GRM7: variants seen among roughly 807,000 people sequenced by gnomAD.
The protein encoded by GRM7 is glutamate metabotropic receptor 7, also known as metabotropic glutamate receptor 7.
A neutral mutation model predicts 84.5 loss-of-function variants in GRM7; 35 were observed. The ratio of observed to expected loss-of-function variants is 0.41; its 90% CI spans 0.32 to 0.55. GRM7 has a LOEUF of 0.55. Among genes scored for constraint, GRM7 ranks in the 20% least tolerant of loss-of-function variants. The probability of loss-of-function intolerance (pLI) is 0.19; values close to 1 mark genes in which losing one functional copy is unlikely to be tolerated. For missense variants in GRM7, 1,003 were observed against 1,194.6 expected (o/e 0.84, Z 2.36); for synonymous variants, 487 against 455.1 (o/e 1.07, Z -0.89).
At chr3:7,382,745 A>G (rs534529784) in intron 4 of GRM7, among the ~76,000 whole-genome samples, 87 of 152,246 alleles carry the variant, frequency 5.7e-4, no homozygotes, top group Non-Finnish European at 5.0e-4. Flanking sequence ...TGGGTAACCT[A>G]AAACAACATT....
At chr3:7,727,844 T>C (rs1702183386) in intron 9 of GRM7, among the ~76,000 whole-genome samples, 1 of 152,184 alleles carries the variant, frequency 6.6e-6, no homozygotes, top group Non-Finnish European at 1.5e-5. Context: ...CCATCTCCCA[T>C]GGCCAAGATC....
intron 9 of GRM7, among the ~76,000 whole-genome samples, chr3:7,693,273 A>G (rs1700879022): frequency 6.6e-6 from 1 of 152,208 alleles, no homozygotes; most frequent in Non-Finnish European, 1.5e-5. Context: ...CAAGTTTGGC[A>G]TGGAAACATG....
At chr3:7,520,563 A>G (rs1360457144) in intron 7 of GRM7, among the ~76,000 whole-genome samples, 3 of 152,146 alleles carry the variant, frequency 2.0e-5, no homozygotes, top group African/African-American at 7.2e-5. Context: ...TCATGATAAA[A>G]TACCTAAAAC....
chr3:7,707,267 A>C (rs1701422453), intron 9 of GRM7, among the ~76,000 whole-genome samples: 1 of 152,276 alleles, frequency 6.6e-6, no homozygotes, highest in Admixed American at 6.5e-5. Flanking sequence ...CTGACAAAAA[A>C]GGAAGTTGGG....
intron 8 of GRM7, among the ~76,000 whole-genome samples, chr3:7,595,955 T>TA (rs752756545): frequency 2.0e-4 from 31 of 152,258 alleles, no homozygotes; most frequent in Non-Finnish European, 3.7e-4. Flanking sequence ...CTAAACATTT[T>TA]AAAAAGACCA....
chr3:7,603,152 C>A (rs938228483), intron 8 of GRM7, among the ~76,000 whole-genome samples: 2 of 152,098 alleles, frequency 1.3e-5, no homozygotes, highest in Non-Finnish European at 2.9e-5. Context: ...ACATGCCCTT[C>A]GATCAAACTT....
Position 7,731,714 on chromosome 3 carries a change from C to G in GRM7, c.2699-8643C>G, listed in dbSNP as rs1005206906. ...GAGATTCTAAGACATGCAATTTCCC[C>G]AATTACACCTGCAAATAACACCACA... is the stretch of plus-strand genomic sequence containing the variant. On this transcript the variant is annotated intron_variant, in intron 9 of 9. Transcript: ENST00000357716. 2.6e-5 allele frequency among the ~76,000 whole-genome samples: 4 copies of G among 152,262 alleles called. 1 individual carries two copies. Among genetic ancestry groups the G allele is most frequent in the South Asian group, 4.1e-4 (2 of 4,824 alleles).
intron 2 of GRM7, among the ~76,000 whole-genome samples, chr3:7,291,489 GCTCTCTCTCTCTCTCTCTCTCTCTCT>G (rs71063301): frequency 0.27 from 29,930 of 109,728 alleles, 4,776 homozygotes; most frequent in Non-Finnish European, 0.36. Context: ...AGTCATGCCA[GCTCTCTCTCTCTCTCTCTCTCTCTCT>G]CTCTCTCTCT....
chr3:7,318,903 A>G (rs1700674794), intron 4 of GRM7, among the ~76,000 whole-genome samples: 1 of 152,066 alleles, frequency 6.6e-6, no homozygotes, highest in African/African-American at 2.4e-5. Context: ...AAAAGAGCTG[A>G]CTGCTTTTTT....
intron 1 of GRM7, among the ~76,000 whole-genome samples, chr3:6,892,199 T>C (rs1225794359): frequency 1.3e-5 from 2 of 152,090 alleles, no homozygotes; most frequent in South Asian, 2.1e-4. Flanking sequence ...CTAGGATTGG[T>C]CAATTACACT....
intron 1 of GRM7, among the ~76,000 whole-genome samples, chr3:6,880,373 A>G (rs1003326548): frequency 2.6e-5 from 4 of 152,188 alleles, no homozygotes; most frequent in African/African-American, 9.7e-5. Flanking sequence ...AAAATGTTCA[A>G]GGTTGAGGAT....
chr3:7,314,913 T>A (rs1700529903), intron 4 of GRM7, among the ~76,000 whole-genome samples: 1 of 152,168 alleles, frequency 6.6e-6, no homozygotes, highest in Admixed American at 6.5e-5. Flanking sequence ...CACTTTCCCC[T>A]TAGTATAATG....
chr3:7,288,777 T>C (rs1699518458), intron 2 of GRM7, among the ~76,000 whole-genome samples: 1 of 152,166 alleles, frequency 6.6e-6, no homozygotes, highest in African/African-American at 2.4e-5. Context: ...TATAGTACTG[T>C]AAGAAATGTA....
At chr3:7,159,357 A>C (rs1694551492) in intron 2 of GRM7, among the ~76,000 whole-genome samples, 2 of 152,186 alleles carry the variant, frequency 1.3e-5, no homozygotes, top group African/African-American at 4.8e-5. Context: ...TAGCTTTTGC[A>C]GCATGCAAGG....
At chr3:7,040,855 G>A (rs866296554) in intron 1 of GRM7, among the ~76,000 whole-genome samples, 2 of 151,752 alleles carry the variant, frequency 1.3e-5, no homozygotes, top group Admixed American at 6.6e-5. Flanking sequence ...GGCCAAGGTC[G>A]GTGGATCATT....
intron 4 of GRM7, among the ~76,000 whole-genome samples, chr3:7,355,550 A>G (rs1308177266): frequency 6.6e-6 from 1 of 152,118 alleles, no homozygotes; most frequent in South Asian, 2.1e-4. Flanking sequence ...TCATTTGCAC[A>G]TAACTACTCT....
At chr3:7,632,951 A>G (rs1697921877) in intron 8 of GRM7, among the ~76,000 whole-genome samples, 1 of 152,272 alleles carries the variant, frequency 6.6e-6, no homozygotes. Flanking sequence ...AGTTTTAAAG[A>G]ACCATAAAAG....
At chr3:7,139,141 T>G (rs1428436856) in intron 1 of GRM7, among the ~76,000 whole-genome samples, 2 of 148,422 alleles carry the variant, frequency 1.3e-5, no homozygotes, top group African/African-American at 4.9e-5. Context: ...AGATACTATA[T>G]GAACCTCTTA....
chr3:7,556,356 T>G (rs1693757512), intron 7 of GRM7, among the ~76,000 whole-genome samples: 1 of 152,168 alleles, frequency 6.6e-6, no homozygotes, highest in Non-Finnish European at 1.5e-5. Context: ...GTAACCTCTA[T>G]GTTTTCATCA....
Sources: gnomAD v4.1 joint callset for allele counts (sites outside exome capture counted in the v4.1 genomes callset) on GRCh38, gnomAD v4.1.1 for gene constraint, MANE v1.5 for transcripts, NCBI Gene and HGNC (gene_info 2026-07-23, HGNC 2026-07-21) for gene names.